Variants in GCFC2 observed in about 807,000 individuals in gnomAD.
GCFC2 encodes the protein intron Large complex component GCFC2.
A neutral mutation model predicts 99.4 loss-of-function variants in GCFC2; 102 were observed. The ratio of observed to expected loss-of-function variants is 1.03; its 90% CI spans 0.87 to 1.21. GCFC2 has a LOEUF of 1.21. Ranked by LOEUF, GCFC2 falls within the 50% of genes most tolerant of loss-of-function variation. The pLI is 0.00. For missense variants in GCFC2, 973 were observed against 920.9 expected (o/e 1.06, Z -0.73); for synonymous variants, 338 against 316.8 (o/e 1.07, Z -0.71).
intron 5 of GCFC2, among the ~76,000 whole-genome samples, chr2:75,695,663 A>G (rs1354291804): frequency 6.6e-6 from 1 of 152,184 alleles, no homozygotes; most frequent in South Asian, 2.1e-4. Context: ...TAACTATGAT[A>G]AAGTTTAATT....
At chr2:75,690,214 TATC>T (rs1423559758) in intron 8 of GCFC2, 133 bp from the exon 9 acceptor site, 2 of 625,832 alleles carry the variant, frequency 3.2e-6, no homozygotes, top group Non-Finnish European at 5.7e-6. Flanking sequence ...AGAAATATAC[TATC>T]ATATCAGCGC....
chr2:75,700,239 T>G (rs1680523574), intron 4 of GCFC2, among the ~76,000 whole-genome samples: 1 of 152,198 alleles, frequency 6.6e-6, no homozygotes. Context: ...GGATATTTAC[T>G]TTGTTTACAT....
At chr2:75,677,512 C>CA (rs1679396273) in intron 12 of GCFC2, among the ~76,000 whole-genome samples, 1 of 152,206 alleles carries the variant, frequency 6.6e-6, no homozygotes, top group South Asian at 2.1e-4. Flanking sequence ...CTAGTGGGCA[C>CA]AAGCCAGGGA....
chr2:75,681,580 C>T (rs910284088), intron 11 of GCFC2, among the ~76,000 whole-genome samples: 9 of 151,618 alleles, frequency 5.9e-5, no homozygotes, highest in African/African-American at 2.0e-4. Context: ...GCACCTGGAA[C>T]GCCAGAGAAA....
Position 75,690,736 on chromosome 2 carries a change from T to C in GCFC2, c.1145-17A>G, listed in dbSNP as rs372865654. On this transcript the variant is annotated splice_polypyrimidine_tract_variant and intron_variant, in intron 7 of 16. Transcript: ENST00000321027. Reference sequence around the variant, plus strand: ...CATCTTTGCCTGTTAATAAATAAAATTGACTTCATACTACAAATTCTCAAA... The same window carrying C: ...CATCTTTGCCTGTTAATAAATAAAACTGACTTCATACTACAAATTCTCAAA... The C allele has an allele frequency of 1.2e-5, 15 of 1,271,022 alleles. No homozygotes were observed. The highest frequency in any genetic ancestry group is 7.4e-5 in the African/African-American group (5 of 67,134). 78.7% of individuals were successfully genotyped at this position (1,271,022 alleles called of 1,614,324 possible). A position where few individuals can be genotyped will look rare whatever the true frequency, so the allele number is the denominator to read the frequency against.
At chr2:75,698,571 C>T (rs1225757630) in intron 4 of GCFC2, among the ~76,000 whole-genome samples, 1 of 152,096 alleles carries the variant, frequency 6.6e-6, no homozygotes, top group Non-Finnish European at 1.5e-5. Flanking sequence ...TTCAAAATTG[C>T]ATGCATATTG....
At chr2:75,668,519 T>TG (rs1424580175) in intron 15 of GCFC2, among the ~76,000 whole-genome samples, 3 of 152,218 alleles carry the variant, frequency 2.0e-5, no homozygotes, top group African/African-American at 7.2e-5. Context: ...CTATTCTATC[T>TG]GGGAACAGTT....
intron 2 of GCFC2, 60 bp from the exon 3 acceptor site, chr2:75,702,483 C>T: frequency 7.5e-7 from 1 of 1,338,994 alleles, no homozygotes; most frequent in South Asian, 1.4e-5. Context: ...AAATATTCCT[C>T]ACATTTAAGA....
rs561323713 is a variant in GCFC2, at chr2:75,706,459, T to C, written c.394+64A>G. On this transcript the variant is annotated intron_variant, in intron 2 of 16. Coordinates refer to ENST00000321027, the MANE Select transcript of GCFC2 (RefSeq NM_003203.5). ...TCACTAGAGTTTGTTATGTCATTAATAACTATATCAAAAACACTATATTAA... is the reference window on the plus strand; with the variant it reads ...TCACTAGAGTTTGTTATGTCATTAACAACTATATCAAAAACACTATATTAA... The C allele has an allele frequency of 4.4e-5, 47 of 1,062,380 alleles. 1 individual carries two copies. In the African/African-American group the frequency reaches 6.5e-4, roughly 15 times the overall value. The allele number at this position is 1,062,380 out of a possible 1,614,324, so 65.8% of individuals were successfully genotyped here.
At chr2:75,710,464 G>A (rs1681097602) in intron 1 of GCFC2, 127 bp downstream of exon 1, 7 of 1,383,824 alleles carry the variant, frequency 5.1e-6, no homozygotes, top group Non-Finnish European at 6.5e-6. Flanking sequence ...AGTCTTTCTG[G>A]ATAAGACTCA....
chr2:75,684,380 C>T (rs140449004), intron 11 of GCFC2, among the ~76,000 whole-genome samples: 3,361 of 152,296 alleles, frequency 0.022, 43 homozygotes, highest in Non-Finnish European at 0.031. Flanking sequence ...TGAATGACTA[C>T]TGGGTAAATA....
chr2:75,671,287 C>G (rs145074437), intron 14 of GCFC2, among the ~76,000 whole-genome samples: 532 of 152,306 alleles, frequency 3.5e-3, no homozygotes, highest in Non-Finnish European at 6.2e-3. Flanking sequence ...CCTTACGCAG[C>G]TTGCCATTCA....
chr2:75,700,174 A>C (rs1680520149), intron 4 of GCFC2, among the ~76,000 whole-genome samples: 1 of 152,056 alleles, frequency 6.6e-6, no homozygotes, highest in Non-Finnish European at 1.5e-5. Context: ...GGTTTCTGAT[A>C]CCATTTTTAG....
chr2:75,668,596 A>G (rs1006089932), intron 15 of GCFC2, among the ~76,000 whole-genome samples: 4 of 152,174 alleles, frequency 2.6e-5, no homozygotes, highest in Non-Finnish European at 5.9e-5. Context: ...CTTCAAAAAC[A>G]TAACTTTTGT....
rs922165875 is a variant in GCFC2 at position 75,699,579 on chromosome 2, C to T, written c.717+1611G>A. The stretch of plus-strand genomic sequence containing the variant: ...TAAACTTTACATTCATTCATTCATT[C>T]ATTTATTTATTTTTAGTGACAGGGT... On this transcript the variant is annotated intron_variant, in intron 4 of 16. Transcript: ENST00000321027. Among the ~76,000 whole-genome samples the T allele has an allele frequency of 5.9e-5, 9 of 151,930 alleles. 1 individual carries two copies. The highest frequency in any genetic ancestry group is 1.7e-4 in the African/African-American group (7 of 41,254).
intron 11 of GCFC2, among the ~76,000 whole-genome samples, chr2:75,687,310 T>C (rs191956894): frequency 1.6e-3 from 238 of 152,190 alleles, no homozygotes; most frequent in Middle Eastern, 3.4e-3. Context: ...ACATGTAGTA[T>C]GGATGGAAGT....
rs1678710934 is a variant in GCFC2 at position 75,663,755 on chromosome 2, G to A, written c.*911C>T. ...CATGCCTATAGTCCCAGCTACTTGGGAGGTTGAAGTGGGAGGATTGCTTGA... is the reference window on the plus strand; with the variant it reads ...CATGCCTATAGTCCCAGCTACTTGGAAGGTTGAAGTGGGAGGATTGCTTGA... On this transcript the variant is annotated 3_prime_UTR_variant, in exon 17 of 17. Coordinates refer to ENST00000321027, the MANE Select transcript of GCFC2 (RefSeq NM_003203.5). 2.0e-5 allele frequency: 3 copies of A among 152,396 alleles called. No individual in the cohort carries two copies. The highest frequency in any genetic ancestry group is 4.4e-5 in the Non-Finnish European group (3 of 68,274). 9.4% of individuals were successfully genotyped at this position (152,396 alleles called of 1,614,324 possible).
chr2:75,681,056 T>C (rs1208570427), intron 11 of GCFC2, among the ~76,000 whole-genome samples: 2 of 152,204 alleles, frequency 1.3e-5, no homozygotes, highest in Non-Finnish European at 2.9e-5. Flanking sequence ...TTGACATCAC[T>C]TGTACTAGAT....
chr2:75,671,993 G>C lies in GCFC2; in HGVS notation c.1913C>G (p.Pro638Arg). 1.3e-6 allele frequency: 2 copies of C among 1,589,554 alleles called. No homozygotes were observed. The highest frequency in any genetic ancestry group is 3.4e-4 in the Middle Eastern group (2 of 5,960). ...PKSAVENKTS[P>R]HSKFQERQFW... Reference sequence around the variant, plus strand: ...CTGTCTTTCTTGGAACTTTGAATGAGGTGATGTTTTGTTTTCTACAGCACT... The same window carrying C: ...CTGTCTTTCTTGGAACTTTGAATGACGTGATGTTTTGTTTTCTACAGCACT... Residue 638 changes from proline to arginine, a missense_variant, in exon 14 of 17, where the codon CCT becomes CGT. Physicochemically the swap from Pro to Arg is moderately radical, Grantham distance 103. Coordinates refer to ENST00000321027, the MANE Select transcript of GCFC2 (RefSeq NM_003203.5).
Sources: allele counts gnomAD v4.1 joint callset (sites outside exome capture counted in the v4.1 genomes callset), GRCh38; gene constraint gnomAD v4.1.1; transcripts MANE v1.5; gene names NCBI Gene and HGNC (gene_info 2026-07-23, HGNC 2026-07-21).